The following KCNJ6 variants were observed in gnomAD, a reference collection of about 807,000 sequenced individuals.
The protein encoded by KCNJ6 is G protein-activated inward rectifier potassium channel 2.
In KCNJ6, 9 loss-of-function variants were observed where a neutral mutation model predicts 34.2. The ratio of observed to expected loss-of-function variants is 0.26; its 90% CI spans 0.16 to 0.46. The LOEUF (loss-of-function observed/expected upper bound fraction) is 0.46, where lower values mean the gene tolerates loss of function less well. Ranked by LOEUF, KCNJ6 falls within the 20% of genes least tolerant of loss-of-function variation. The probability of loss-of-function intolerance (pLI) is 1.00; values close to 1 mark genes in which losing one functional copy is unlikely to be tolerated. For missense variants in KCNJ6, 236 were observed against 531.3 expected (o/e 0.44, Z 5.46); for synonymous variants, 196 against 207.1 (o/e 0.95, Z 0.46).
In KCNJ6 at chr21:37,607,482, A is replaced by ATATATT; in HGVS notation, c.*17676_*17677insAATATA. ...CTTAAAGATATATATATATATATAT[A>ATATATT]TTTTTTTTTTATTTTAAAAAAATTT... On this transcript the variant is annotated 3_prime_UTR_variant, in exon 4 of 4. Transcript: ENST00000609713. The ATATATT allele has an allele frequency of 6.0e-4, 82 of 136,754 alleles. No homozygotes were observed. Among genetic ancestry groups the ATATATT allele is most frequent in the East Asian group, 2.3e-3 (10 of 4,380 alleles). The allele number at this position is 136,754 out of a possible 1,614,324, so 8.5% of individuals were successfully genotyped here.
In KCNJ6 at chr21:37,615,244, CTTTTTTTT is replaced by C. The variant is rs1156939747; in HGVS notation, c.*9907_*9914del. On this transcript the variant is annotated 3_prime_UTR_variant, in exon 4 of 4. Transcript: ENST00000609713. ...ACCCTCGACTGACATTCCCAGCATTCTTTTTTTTTTTTTTTTTTTTTTTTTTGAGACGG... is the reference window on the plus strand; with the variant it reads ...ACCCTCGACTGACATTCCCAGCATTCTTTTTTTTTTTTTTTTTTGAGACGG... 7.5e-3 allele frequency: 737 copies of C among 98,834 alleles called. 8 individuals carry two copies. Among genetic ancestry groups the C allele is most frequent in the African/African-American group, 0.022 (555 of 25,182 alleles). The allele number at this position is 98,834 out of a possible 1,614,324, so 6.1% of individuals were successfully genotyped here. A position where few individuals can be genotyped will look rare whatever the true frequency, so the allele number is the denominator to read the frequency against.
chr21:37,703,434 A>G (rs2054702160), intron 3 of KCNJ6, among the ~76,000 whole-genome samples: 2 of 152,220 alleles, frequency 1.3e-5, no homozygotes, highest in South Asian at 4.1e-4. Context: ...TTTCTCAACT[A>G]AGCATGAGAC....
rs759639216 is a variant in KCNJ6, at chr21:37,714,177, T to A, written c.946+34A>T. 43 of 1,472,286 alleles carry A rather than the reference T, an allele frequency of 2.9e-5. No homozygotes were observed. The highest frequency in any genetic ancestry group is 4.0e-5 in the Non-Finnish European group (42 of 1,061,464). 91.2% of individuals were successfully genotyped at this position (1,472,286 alleles called of 1,614,324 possible). ...AGGTCCAGTTTAAAATGAGCATCTA[T>A]CCCACAGCCATCCCAGGATAGAACA... is the stretch of plus-strand genomic sequence containing the variant. On this transcript the variant is annotated intron_variant, in intron 3 of 3. Coordinates refer to ENST00000609713, the MANE Select transcript of KCNJ6 (RefSeq NM_002240.5). This position sits in a 1 kb window ranked among gnomAD's most constrained non-coding sequence, Gnocchi z 5.9.
intron 2 of KCNJ6, among the ~76,000 whole-genome samples, chr21:37,815,421 T>C (rs1193787733): frequency 1.3e-5 from 2 of 152,076 alleles, no homozygotes; most frequent in East Asian, 3.9e-4. Context: ...AAATTAAAAA[T>C]AAAAGATGGA....
chr21:37,764,568 AG>A (rs1325164184), intron 2 of KCNJ6, among the ~76,000 whole-genome samples: 2 of 152,022 alleles, frequency 1.3e-5, no homozygotes, highest in Non-Finnish European at 2.9e-5. Flanking sequence ...TAGTAGAGCC[AG>A]GGTTTTGCCA....
chr21:37,690,964 A>T (rs858011), intron 3 of KCNJ6, among the ~76,000 whole-genome samples: 152,232 of 152,232 alleles, frequency 1, 76,116 homozygotes, highest in Non-Finnish European at 1. Context: ...GTATTTTTAG[A>T]AGAGACCAAG....
At chr21:37,713,984 T>TTGTTCATTAA (rs2054776571) in intron 3 of KCNJ6, among the ~76,000 whole-genome samples, 1 of 144,188 alleles carries the variant, frequency 6.9e-6, no homozygotes, top group Non-Finnish European at 1.5e-5. Flanking sequence ...TGATTTTTCA[T>TTGTTCATTAA]TGTTCATTAA....
intron 3 of KCNJ6, among the ~76,000 whole-genome samples, chr21:37,650,191 G>A (rs190572227): frequency 6.4e-4 from 97 of 152,284 alleles, no homozygotes; most frequent in African/African-American, 2.3e-3. Flanking sequence ...CAGGTTTAGC[G>A]TCTGGCGCCA....
chr21:37,667,154 T>TAAAAAAAAAAAAAAAAAAA (rs55953891), intron 3 of KCNJ6, among the ~76,000 whole-genome samples: 3 of 39,094 alleles, frequency 7.7e-5, no homozygotes, highest in Non-Finnish European at 1.3e-4. Context: ...CAATAAATAC[T>TAAAAAAAAAAAAAAAAAAA]AAAAAAAAAA....
At chr21:37,633,928 CAAA>C (rs56360366) in intron 3 of KCNJ6, among the ~76,000 whole-genome samples, 1 of 149,688 alleles carries the variant, frequency 6.7e-6, no homozygotes, top group Non-Finnish European at 1.5e-5. Context: ...TTCTTAAAGT[CAAA>C]AAAAAAATGG....
rs770722745 is a variant in KCNJ6, at chr21:37,625,013, C to T, written c.*146G>A. The T allele has an allele frequency of 4.6e-6, 3 of 654,566 alleles. No homozygotes were observed. The highest frequency in any genetic ancestry group is 7.9e-6 in the Non-Finnish European group (3 of 379,090). 40.5% of individuals were successfully genotyped at this position (654,566 alleles called of 1,614,324 possible). ...TGAGAGAGGGCAGGTAGATATTTTACACCTTGAAGATTTGTTTTCTGGTCA... is the reference window on the plus strand; with the variant it reads ...TGAGAGAGGGCAGGTAGATATTTTATACCTTGAAGATTTGTTTTCTGGTCA... On this transcript the variant is annotated 3_prime_UTR_variant, in exon 4 of 4. Coordinates refer to ENST00000609713, the MANE Select transcript of KCNJ6 (RefSeq NM_002240.5).
chr21:37,619,732 G>T lies in KCNJ6; in HGVS notation c.*5427C>A, dbSNP rs1045963758. 6 of 152,282 alleles carry T rather than the reference G, an allele frequency of 3.9e-5. No individual in the cohort carries two copies. Among genetic ancestry groups the T allele is most frequent in the African/African-American group, 1.4e-4 (6 of 41,472 alleles). 9.4% of individuals were successfully genotyped at this position (152,282 alleles called of 1,614,324 possible). A position where few individuals can be genotyped will look rare whatever the true frequency, so the allele number is the denominator to read the frequency against. On this transcript the variant is annotated 3_prime_UTR_variant, in exon 4 of 4. Transcript: ENST00000609713. Reference sequence around the variant, plus strand: ...GTTTGATGTGTGGCAACCACTGCAGGTCTGGGCTGCTTTGCTGAGCAGAGA... The same window carrying T: ...GTTTGATGTGTGGCAACCACTGCAGTTCTGGGCTGCTTTGCTGAGCAGAGA...
chr21:37,878,646 G>C (rs2123620497), intron 1 of KCNJ6, among the ~76,000 whole-genome samples: 1 of 152,370 alleles, frequency 6.6e-6, no homozygotes, highest in East Asian at 1.9e-4. Flanking sequence ...CTCCAAGCAT[G>C]CGCTTCTTTT....
At chr21:37,852,786 A>C (rs1003353385) in intron 1 of KCNJ6, among the ~76,000 whole-genome samples, 11 of 152,234 alleles carry the variant, frequency 7.2e-5, no homozygotes, top group African/African-American at 2.4e-4. Context: ...AAATGAAGAA[A>C]AGTGCTAACA....
chr21:37,837,243 T>G (rs1339753632), intron 2 of KCNJ6, among the ~76,000 whole-genome samples: 1 of 152,198 alleles, frequency 6.6e-6, no homozygotes, highest in Non-Finnish European at 1.5e-5. Context: ...TTCAATAATG[T>G]GACGTAAAAT....
At chr21:37,766,718 A>G (rs2055093215) in intron 2 of KCNJ6, among the ~76,000 whole-genome samples, 1 of 152,166 alleles carries the variant, frequency 6.6e-6, no homozygotes, top group African/African-American at 2.4e-5. Context: ...GGGGTCCCCA[A>G]ACCGTGGGCC....
chr21:37,874,812 T>C (rs888292044), intron 1 of KCNJ6, among the ~76,000 whole-genome samples: 5 of 152,168 alleles, frequency 3.3e-5, no homozygotes, highest in Non-Finnish European at 7.3e-5. Context: ...GAAAGCCCTT[T>C]AAACACATTC....
chr21:37,914,390 G>A (rs1001836726), intron 1 of KCNJ6, among the ~76,000 whole-genome samples: 2 of 152,070 alleles, frequency 1.3e-5, no homozygotes, highest in African/African-American at 4.8e-5. Flanking sequence ...TCCGGAACCC[G>A]CTGAGGAACC....
At chr21:37,667,147 T>A (rs1449916923) in intron 3 of KCNJ6, among the ~76,000 whole-genome samples, 4 of 15,640 alleles carry the variant, frequency 2.6e-4, no homozygotes, top group Non-Finnish European at 4.3e-4. Context: ...GAATGAGCAA[T>A]AAATACTAAA....
Sources: allele counts gnomAD v4.1 joint callset (sites outside exome capture counted in the v4.1 genomes callset), GRCh38; gene constraint gnomAD v4.1.1; non-coding constraint Gnocchi (gnomAD v3.1); transcripts MANE v1.5; gene names NCBI Gene and HGNC (gene_info 2026-07-23, HGNC 2026-07-21).